Variants in PTAR1 observed in about 807,000 individuals in gnomAD.
PTAR1 encodes protein prenyltransferase alpha subunit repeat-containing protein 1.
Under a neutral mutation model 45.5 loss-of-function variants are expected in PTAR1, and 17 were observed. The ratio of observed to expected loss-of-function variants is 0.37; its 90% confidence interval spans 0.26 to 0.56. The LOEUF (loss-of-function observed/expected upper bound fraction) is 0.56. Ranked by LOEUF, PTAR1 falls within the 20% of genes least tolerant of loss-of-function variation. The pLI is 0.77. For synonymous variants in PTAR1, 169 were observed against 171.3 expected, an observed-to-expected ratio of 0.99 and a Z score of 0.11; for missense variants, 391 against 476.3, an observed-to-expected ratio of 0.82 and a Z score of 1.67.
intron 5 of PTAR1, among the ~76,000 whole-genome samples, chr9:69,727,099 T>C (rs1409072378): frequency 1.3e-5 from 2 of 152,016 alleles, no homozygotes; most frequent in Admixed American, 6.6e-5. Flanking sequence ...ATTGTTTTTA[T>C]GTATACACTG....
chr9:69,739,766 A>G (rs1825958354), intron 3 of PTAR1, among the ~76,000 whole-genome samples: 1 of 152,212 alleles, frequency 6.6e-6, no homozygotes, highest in Admixed American at 6.5e-5. Context: ...ATGTCAATCA[A>G]TCTTACTGAT....
At position 69,715,694 on chromosome 9, in the gene PTAR1, T is replaced by C. The variant is rs1042904558; in HGVS notation, c.*2648A>G. The C allele has an allele frequency of 6.6e-6, 1 of 152,162 alleles. No homozygotes were observed. Among genetic ancestry groups the C allele is most frequent in the African/African-American group, 2.4e-5 (1 of 41,452 alleles). The allele number at this position is 152,162 out of a possible 1,614,324, so 9.4% of individuals were successfully genotyped here. On this transcript the variant is annotated 3_prime_UTR_variant, in exon 8 of 8. Coordinates refer to ENST00000340434, the MANE Select transcript of PTAR1 (RefSeq NM_001099666.2). ...AGTCCCAGAAAACAGACACATCCTT[T>C]CTACTACATAAGCTCAGTCAAAGAC... is the stretch of plus-strand genomic sequence containing the variant.
chr9:69,734,327 C>A, intron 3 of PTAR1, 73 bp from the exon 4 acceptor site: 31 of 601,312 alleles, frequency 5.2e-5, no homozygotes, highest in Middle Eastern at 5.2e-4. Context: ...TTCTACATGG[C>A]TTTTAATATA....
intron 1 of PTAR1, among the ~76,000 whole-genome samples, chr9:69,754,143 T>A (rs1214196956): frequency 5.3e-5 from 8 of 152,192 alleles, no homozygotes; most frequent in Non-Finnish European, 1.0e-4. Flanking sequence ...CTGTGTCTCA[T>A]CCCTTAAGTC....
chr9:69,742,650 C>T (rs1826091262), intron 2 of PTAR1, among the ~76,000 whole-genome samples: 1 of 152,012 alleles, frequency 6.6e-6, no homozygotes, highest in South Asian at 2.1e-4. Context: ...TAAGCATTTC[C>T]AGATTGTCTT....
intron 1 of PTAR1, 67 bp downstream of exon 1, chr9:69,759,786 T>TGGACGCTTG (rs3831183): frequency 0.34 from 494,038 of 1,438,564 alleles, 88,846 homozygotes; most frequent in Admixed American, 0.45. Context: ...CGAGGTCGGG[T>TGGACGCTTG]GGACGCTTGG....
chr9:69,740,643 G>A lies in PTAR1; in HGVS notation c.323+1149C>T, dbSNP rs553079417. 7.9e-4 allele frequency among the ~76,000 whole-genome samples: 101 copies of A among 127,356 alleles called. 2 individuals carry two copies. In the South Asian group the frequency reaches 0.025, roughly 31 times the overall value. The allele number at this position is 127,356 out of a possible 152,430, so 83.6% of individuals were successfully genotyped here. A position where few individuals can be genotyped will look rare whatever the true frequency, so the allele number is the denominator to read the frequency against. Reference sequence around the variant, plus strand: ...ACCGGCACTAGAGTTAGATGCTAAGGAAACAAAGGGGAAAAAAAAAAAAAA... The same window carrying A: ...ACCGGCACTAGAGTTAGATGCTAAGAAAACAAAGGGGAAAAAAAAAAAAAA... On this transcript the variant is annotated intron_variant, in intron 3 of 7. Transcript: ENST00000340434.
rs747512469 is a variant in PTAR1 at position 69,723,588 on chromosome 9, T to C, written c.685A>G (p.Met229Val). 13 of 1,613,808 alleles carry C rather than the reference T, an allele frequency of 8.1e-6. No individual in the cohort carries two copies. Among genetic ancestry groups the C allele is most frequent in the East Asian group, 2.2e-5 (1 of 44,870 alleles). ...ELSSTKHWAS[M>V]HVSDHSGFHY... ...AATCCACTGTGGTCTGAAACGTGCA[T>C]AGATGCCCAATGTTTAGTAGAAGAT... is the stretch of plus-strand genomic sequence containing the variant. Residue 229 changes from methionine (M) to valine (V), a missense_variant, in exon 6 of 8, where the codon ATG becomes GTG. This residue lies in a region of PTAR1 where 181 missense variants were observed against 227.7 expected (regional missense o/e 0.80). Transcript: ENST00000340434.
rs956151877 is a variant in PTAR1 at position 69,734,728 on chromosome 9, G to GA, written c.324-475dup. Among the ~76,000 whole-genome samples, 25 of 150,130 alleles carry GA rather than the reference G, an allele frequency of 1.7e-4. No individual in the cohort carries two copies. The East Asian group carries it at 2.1e-3, about 13-fold the overall frequency. ...AACACAATATGGTTGAGATGTAAGG[G>GA]AAAAAAAAATCATTCATGGAATCAC... On this transcript the variant is annotated intron_variant, in intron 3 of 7. Coordinates refer to ENST00000340434, the MANE Select transcript of PTAR1 (RefSeq NM_001099666.2).
rs1259907536 is a variant in PTAR1 at position 69,737,102 on chromosome 9, T to TG, written c.324-2849dup. Among the ~76,000 whole-genome samples, 4 of 152,192 alleles carry TG rather than the reference T, an allele frequency of 2.6e-5. No homozygotes were observed. The East Asian group carries it at 5.8e-4, about 22-fold the overall frequency. On this transcript the variant is annotated intron_variant, in intron 3 of 7. Transcript: ENST00000340434. The stretch of plus-strand genomic sequence containing the variant: ...CTAGTGCTATATATTTTTTTTTAGA[T>TG]GGGGTCTCACTGTCTTGCCCAGGCT...
chr9:69,746,843 G>A lies in PTAR1; in HGVS notation c.256+3938C>T, dbSNP rs116685928. Reference sequence around the variant, plus strand: ...CACTGCATTCTAGAAATGGCCCAAGGCCAGTAGTCACCTGGTAATGGTCAC... The same window carrying A: ...CACTGCATTCTAGAAATGGCCCAAGACCAGTAGTCACCTGGTAATGGTCAC... On this transcript the variant is annotated intron_variant, in intron 2 of 7. Transcript: ENST00000340434. Among the ~76,000 whole-genome samples, 814 of 152,312 alleles carry A rather than the reference G, an allele frequency of 5.3e-3. 8 individuals carry two copies. Among genetic ancestry groups the A allele is most frequent in the African/African-American group, 0.016 (683 of 41,564 alleles).
At chr9:69,719,491 G>T (rs1026701341) in intron 6 of PTAR1, among the ~76,000 whole-genome samples, 2 of 152,114 alleles carry the variant, frequency 1.3e-5, no homozygotes, top group African/African-American at 2.4e-5. Context: ...GCCCTTAAGA[G>T]AATTCTATTC....
At chr9:69,732,759 T>C (rs1188533728) in intron 4 of PTAR1, among the ~76,000 whole-genome samples, 3 of 152,110 alleles carry the variant, frequency 2.0e-5, no homozygotes, top group African/African-American at 4.8e-5. Flanking sequence ...TTTAAGTATA[T>C]ATGCATGCCT....
chr9:69,737,931 T>C (rs1413684229), intron 3 of PTAR1, among the ~76,000 whole-genome samples: 2 of 152,208 alleles, frequency 1.3e-5, no homozygotes, highest in African/African-American at 4.8e-5. Context: ...TAACATCTTA[T>C]ATTACCATGG....
rs73461071 is a variant in PTAR1 at position 69,717,986 on chromosome 9, T to C, written c.*356A>G. 6,856 of 170,912 alleles carry C rather than the reference T, an allele frequency of 0.04. 516 individuals are homozygous for C. Among genetic ancestry groups the C allele is most frequent in the African/African-American group, 0.15 (6,413 of 42,278 alleles). The allele number at this position is 170,912 out of a possible 1,614,324, so 10.6% of individuals were successfully genotyped here. The stretch of plus-strand genomic sequence containing the variant: ...GCCTAGGCCTTAAATTTTTAATTTT[T>C]AAAAGAATTTGCCTATGCAGCAATT... On this transcript the variant is annotated 3_prime_UTR_variant, in exon 8 of 8. Transcript: ENST00000340434.
At chr9:69,725,398 T>C (rs1258032431) in intron 5 of PTAR1, among the ~76,000 whole-genome samples, 1 of 152,008 alleles carries the variant, frequency 6.6e-6, no homozygotes, top group Admixed American at 6.6e-5. Flanking sequence ...GAGACCAGCC[T>C]GGCCAAAATG....
At chr9:69,727,447 ATG>A (rs1462413933) in intron 5 of PTAR1, among the ~76,000 whole-genome samples, 1 of 152,064 alleles carries the variant, frequency 6.6e-6, no homozygotes, top group Non-Finnish European at 1.5e-5. Context: ...ACTTAGCATA[ATG>A]TGAGTCTCTT....
chr9:69,747,008 T>C (rs1006629031), intron 2 of PTAR1, among the ~76,000 whole-genome samples: 1 of 152,226 alleles, frequency 6.6e-6, no homozygotes, highest in African/African-American at 2.4e-5. Flanking sequence ...TAAAGCTATA[T>C]GGTAAACACC....
rs1192560703 is a variant in PTAR1 at position 69,713,640 on chromosome 9, G to C, written c.*4702C>G. 1 of 152,072 alleles carries C rather than the reference G, an allele frequency of 6.6e-6. No homozygotes were observed. The highest frequency in any genetic ancestry group is 2.4e-5 in the African/African-American group (1 of 41,414). The allele number at this position is 152,072 out of a possible 1,614,324, so 9.4% of individuals were successfully genotyped here. A position where few individuals can be genotyped will look rare whatever the true frequency, so the allele number is the denominator to read the frequency against. Reference sequence around the variant, plus strand: ...TAAAGTAAGGCAAAGGATTCATTTAGGACAACGTTCTGGCCTTTATTTTAG... The same window carrying C: ...TAAAGTAAGGCAAAGGATTCATTTACGACAACGTTCTGGCCTTTATTTTAG... On this transcript the variant is annotated 3_prime_UTR_variant, in exon 8 of 8. Coordinates refer to ENST00000340434, the MANE Select transcript of PTAR1 (RefSeq NM_001099666.2).
Sources: gnomAD v4.1 joint callset for allele counts (sites outside exome capture counted in the v4.1 genomes callset) on GRCh38, gnomAD v4.1.1 for gene constraint, gnomAD v4.1.1 regional missense constraint, MANE v1.5 for transcripts, NCBI Gene and HGNC (gene_info 2026-07-23, HGNC 2026-07-21) for gene names.